The following TRPM7 variants were observed in gnomAD, a reference collection of about 807,000 sequenced individuals.
The protein encoded by TRPM7 is transient receptor potential cation channel subfamily M member 7, also known as LTRPC ion channel family member 7.
A neutral mutation model predicts 229.7 loss-of-function variants in TRPM7; 134 were observed. The ratio of observed to expected loss-of-function variants is 0.58; its 90% CI spans 0.51 to 0.67. The LOEUF (loss-of-function observed/expected upper bound fraction) is 0.67, where lower values mean the gene tolerates loss of function less well. TRPM7 is among the 30% of genes least tolerant of loss of function. The pLI is 0.00. For missense variants in TRPM7, 1,901 were observed against 2,210.0 expected (o/e 0.86, Z 2.80); for synonymous variants, 699 against 715.2 (o/e 0.98, Z 0.36).
chr15:50,645,792 T>C (rs755961055), intron 4 of TRPM7, among the ~76,000 whole-genome samples: 1 of 152,118 alleles, frequency 6.6e-6, no homozygotes, highest in Non-Finnish European at 1.5e-5. Context: ...TGGGCTAGGT[T>C]GATTTGGACA....
At chr15:50,627,746 C>T (rs1490660720) in intron 11 of TRPM7, among the ~76,000 whole-genome samples, 2 of 152,046 alleles carry the variant, frequency 1.3e-5, no homozygotes, top group Non-Finnish European at 2.9e-5. Flanking sequence ...GATTGGAATA[C>T]ATGAGAAAGA....
intron 1 of TRPM7, among the ~76,000 whole-genome samples, chr15:50,679,529 TATATATA>T (rs1414251419): frequency 1.9e-4 from 10 of 51,724 alleles, no homozygotes; most frequent in Middle Eastern, 7.4e-3. Context: ...TATATATATA[TATATATA>T]TATTTTTTTT....
At position 50,620,095 on chromosome 15, in the gene TRPM7, A is replaced by G. The variant is rs623639; in HGVS notation, c.1441-297T>C. On this transcript the variant is annotated intron_variant, in intron 12 of 38. Coordinates refer to ENST00000646667, the MANE Select transcript of TRPM7 (RefSeq NM_017672.6). ...TCTTTCATTGATAATGGCGCTGTAC[A>G]ATACCTTTCTTCTTGTTAAAATGTC... Among the ~76,000 whole-genome samples the G allele has an allele frequency of 0.08, 12,115 of 152,268 alleles. 576 individuals carry two copies. Among genetic ancestry groups the G allele is most frequent in the South Asian group, 0.12 (587 of 4,828 alleles).
intron 3 of TRPM7, among the ~76,000 whole-genome samples, chr15:50,656,779 C>T (rs2061585136): frequency 6.6e-6 from 1 of 152,088 alleles, no homozygotes; most frequent in African/African-American, 2.4e-5. Context: ...TCATCAGACC[C>T]TAAAGCATAT....
chr15:50,613,610 C>A (rs916161303), intron 15 of TRPM7, 97 bp downstream of exon 15: 7 of 1,066,448 alleles, frequency 6.6e-6, no homozygotes, highest in African/African-American at 5.0e-5. Context: ...AAAGGTAATT[C>A]TTACTAAATC....
chr15:50,601,978 T>C (rs4509958), intron 21 of TRPM7, among the ~76,000 whole-genome samples: 52,191 of 150,000 alleles, frequency 0.35, 10,287 homozygotes, highest in Admixed American at 0.48. Flanking sequence ...TTAATGATTA[T>C]ACTTTAAGTT....
chr15:50,600,293 C>T (rs554417093), intron 21 of TRPM7, among the ~76,000 whole-genome samples: 13 of 152,108 alleles, frequency 8.5e-5, no homozygotes, highest in African/African-American at 3.1e-4. Context: ...AAAACTTAGC[C>T]GGGCGTGGCG....
chr15:50,679,514 ATATATATAT>A (rs1567129206), intron 1 of TRPM7, among the ~76,000 whole-genome samples: 28 of 89,554 alleles, frequency 3.1e-4, no homozygotes, highest in African/African-American at 4.2e-4. Flanking sequence ...TATATATAAT[ATATATATAT>A]ATATATATAT....
At chr15:50,675,836 A>G (rs149702562) in intron 1 of TRPM7, among the ~76,000 whole-genome samples, 1 of 152,224 alleles carries the variant, frequency 6.6e-6, no homozygotes, top group African/African-American at 2.4e-5. Context: ...GGGAATCTTA[A>G]AGATCAGTTG....
At chr15:50,636,448 C>T (rs2060910934) in intron 7 of TRPM7, among the ~76,000 whole-genome samples, 1 of 152,178 alleles carries the variant, frequency 6.6e-6, no homozygotes, top group African/African-American at 2.4e-5. Flanking sequence ...ACCTCGGCCT[C>T]CCAAAGTGCT....
chr15:50,681,146 G>C (rs2062232327), intron 1 of TRPM7, among the ~76,000 whole-genome samples: 1 of 152,064 alleles, frequency 6.6e-6, no homozygotes, highest in African/African-American at 2.4e-5. Context: ...AGCTACTCAG[G>C]AGGCTGAGGC....
At chr15:50,634,346 TA>T (rs2060825819) in intron 8 of TRPM7, 35 bp downstream of exon 8, 2 of 1,369,364 alleles carry the variant, frequency 1.5e-6, no homozygotes, top group African/African-American at 1.6e-5. Context: ...AATAAATAAA[TA>T]AATAAAATTA....
intron 36 of TRPM7, 128 bp from the exon 37 acceptor site, chr15:50,570,283 T>C (rs2053812741): frequency 3.0e-6 from 2 of 662,916 alleles, no homozygotes; most frequent in Admixed American, 6.6e-5. Context: ...TGTTAAACTA[T>C]TCAAAGGAGT....
intron 1 of TRPM7, among the ~76,000 whole-genome samples, chr15:50,679,510 TAATA>T (rs2062184518): frequency 2.8e-5 from 3 of 109,002 alleles, no homozygotes; most frequent in Non-Finnish European, 5.0e-5. Flanking sequence ...TGTATATATA[TAATA>T]TATATATATA....
chr15:50,568,221 A>C (rs960647224), intron 38 of TRPM7, among the ~76,000 whole-genome samples: 2 of 151,832 alleles, frequency 1.3e-5, no homozygotes, highest in African/African-American at 4.8e-5. Flanking sequence ...AAAAGACAGA[A>C]TGCCTTCCCC....
At chr15:50,627,372 C>G (rs977818837) in intron 11 of TRPM7, among the ~76,000 whole-genome samples, 16 of 151,750 alleles carry the variant, frequency 1.1e-4, no homozygotes, top group Middle Eastern at 3.4e-3. Flanking sequence ...TGGTTAGAGG[C>G]CAGAAAGATA....
At chr15:50,671,253 T>C (rs759666699) in intron 1 of TRPM7, among the ~76,000 whole-genome samples, 9 of 152,150 alleles carry the variant, frequency 5.9e-5, no homozygotes, top group Admixed American at 3.3e-4. Context: ...CATCCAGAAA[T>C]TGAACTTTTA....
rs2053278770 is a variant in TRPM7 at position 50,560,766 on chromosome 15, G to A, written c.*912C>T. 1.3e-5 allele frequency: 2 copies of A among 152,514 alleles called. No individual in the cohort carries two copies. Among genetic ancestry groups the A allele is most frequent in the Admixed American group, 1.3e-4 (2 of 15,268 alleles). The allele number at this position is 152,514 out of a possible 1,614,324, so 9.4% of individuals were successfully genotyped here. A position where few individuals can be genotyped will look rare whatever the true frequency, so the allele number is the denominator to read the frequency against. On this transcript the variant is annotated 3_prime_UTR_variant, in exon 39 of 39. Transcript: ENST00000646667. ...AACACAATTTTAAATATATGCAAGA[G>A]TTCATGTTTACATTCTGATTTGATA...
At chr15:50,627,059 G>C (rs1205480979) in intron 11 of TRPM7, among the ~76,000 whole-genome samples, 1 of 152,062 alleles carries the variant, frequency 6.6e-6, no homozygotes, top group East Asian at 1.9e-4. Context: ...CGTAAAGGCT[G>C]GTAATACTTC....
Sources: gnomAD v4.1 joint callset for allele counts (sites outside exome capture counted in the v4.1 genomes callset) on GRCh38, gnomAD v4.1.1 for gene constraint, MANE v1.5 for transcripts, NCBI Gene and HGNC (gene_info 2026-07-23, HGNC 2026-07-21) for gene names.